OSBPL9: variants seen among roughly 807,000 people sequenced by gnomAD.
OSBPL9 encodes the protein oxysterol binding protein like 9.
A neutral mutation model predicts 106.6 loss-of-function variants in OSBPL9; 40 were observed. The observed-to-expected ratio is 0.38, with a 90% CI of 0.29 to 0.49. The LOEUF (loss-of-function observed/expected upper bound fraction) is 0.49, where lower values mean the gene tolerates loss of function less well. Among genes scored for constraint, OSBPL9 ranks in the 20% least tolerant of loss-of-function variants. The probability of loss-of-function intolerance (pLI) is 0.97; values close to 1 mark genes in which losing one functional copy is unlikely to be tolerated. For missense variants in OSBPL9, 609 were observed against 887.2 expected, an observed-to-expected ratio of 0.69 and a Z score of 3.98; for synonymous variants, 269 against 295.4, an observed-to-expected ratio of 0.91 and a Z score of 0.92.
At chr1:51,561,947 A>G in the OSBPL9 span, 4 of 152,202 alleles carry the variant, frequency 2.6e-5, no homozygotes, top group African/African-American at 9.6e-5. Flanking sequence ...TGGTGGCGTC[A>G]GGCTTATATT....
the OSBPL9 span, among the ~76,000 whole-genome samples, chr1:51,543,840 C>G: frequency 6.6e-6 from 1 of 152,198 alleles, no homozygotes; most frequent in Non-Finnish European, 1.5e-5. Flanking sequence ...CTGTAGACCT[C>G]TTTGGAAGGA....
rs34379031 is a variant in OSBPL9, at chr1:51,592,108, CTTTTTTTTTTTTTTT to C, written c.-422-6006_-422-5992del. Among the ~76,000 whole-genome samples, 25 of 77,000 alleles carry C rather than the reference CTTTTTTTTTTTTTTT, an allele frequency of 3.2e-4. No individual in the cohort carries two copies. The Admixed American group carries it at 3.3e-3, about 10-fold the overall frequency. 50.5% of individuals were successfully genotyped at this position (77,000 alleles called of 152,430 possible). On this transcript the variant is annotated intron_variant, in intron 1 of 25. Coordinates refer to the OSBPL9 transcript ENST00000371714. ...CCTCAACGATTACTTGTTGCTAAGG[CTTTTTTTTTTTTTTT>C]TTTTTTTTTGAGACGGAGTCTCGCT...
intron 18 of OSBPL9, 105 bp from the exon 19 acceptor site, chr1:51,784,159 A>G: frequency 7.1e-7 from 1 of 1,415,534 alleles, no homozygotes. Flanking sequence ...TAGATAGGTT[A>G]TCCCTAAATT....
intron 1 of OSBPL9, chr1:51,577,405 C>T (rs374493763): frequency 6.7e-6 from 1 of 149,278 alleles, no homozygotes; most frequent in East Asian, 2.0e-4. Flanking sequence ...CTGCAACCAA[C>T]GCCTCTGGTT....
chr1:51,764,994 T>G (rs1175608642), intron 11 of OSBPL9, among the ~76,000 whole-genome samples: 1 of 152,226 alleles, frequency 6.6e-6, no homozygotes, highest in African/African-American at 2.4e-5. Flanking sequence ...ATCTGTAGAT[T>G]AGTATAAATT....
At chr1:51,608,042 G>T (rs530080942) in intron 2 of OSBPL9, among the ~76,000 whole-genome samples, 3 of 152,222 alleles carry the variant, frequency 2.0e-5, no homozygotes, top group African/African-American at 7.2e-5. Context: ...TGGGCGGGCC[G>T]CATACACTGT....
intron 3 of OSBPL9, among the ~76,000 whole-genome samples, chr1:51,684,285 A>G (rs1424260366): frequency 1.3e-5 from 2 of 152,168 alleles, no homozygotes; most frequent in Non-Finnish European, 2.9e-5. Flanking sequence ...CTGGGAATAC[A>G]GGTCCGAGCC....
intron 12 of OSBPL9, among the ~76,000 whole-genome samples, chr1:51,770,809 A>AT (rs1359214052): frequency 1.3e-5 from 2 of 152,222 alleles, no homozygotes; most frequent in Non-Finnish European, 2.9e-5. Flanking sequence ...ATATCCTAAT[A>AT]TTCTAGTGTT....
At chr1:51,762,894 A>C (rs1266458050) in intron 11 of OSBPL9, among the ~76,000 whole-genome samples, 2 of 152,210 alleles carry the variant, frequency 1.3e-5, no homozygotes, top group Non-Finnish European at 2.9e-5. Flanking sequence ...CACCTTTGGC[A>C]TATGTATATT....
At chr1:51,681,249 GAA>G (rs1652494189) in intron 3 of OSBPL9, among the ~76,000 whole-genome samples, 1 of 152,132 alleles carries the variant, frequency 6.6e-6, no homozygotes, top group African/African-American at 2.4e-5. Context: ...AAAATGCATG[GAA>G]GTAGGCTGTG....
intron 3 of OSBPL9, among the ~76,000 whole-genome samples, chr1:51,711,679 T>G (rs1275510780): frequency 1.8e-5 from 2 of 111,938 alleles, no homozygotes; most frequent in Non-Finnish European, 1.9e-5. Flanking sequence ...AGGCAGAGGG[T>G]CTCCTCACTT....
intron 2 of OSBPL9, among the ~76,000 whole-genome samples, chr1:51,605,405 A>G (rs1033050779): frequency 6.6e-6 from 1 of 152,190 alleles, no homozygotes; most frequent in Non-Finnish European, 1.5e-5. Flanking sequence ...AGCCTGGGCA[A>G]CATAGTGAGA....
At chr1:51,683,386 G>T (rs1040010918) in intron 3 of OSBPL9, among the ~76,000 whole-genome samples, 1 of 150,690 alleles carries the variant, frequency 6.6e-6, no homozygotes, top group Non-Finnish European at 1.5e-5. Flanking sequence ...CTCCTTGTTG[G>T]TCAGGCTGGT....
intron 2 of OSBPL9, among the ~76,000 whole-genome samples, chr1:51,663,197 A>G (rs1400071717): frequency 6.6e-6 from 1 of 152,198 alleles, no homozygotes. Flanking sequence ...ATGATAAAAC[A>G]TTATTGAAAT....
chr1:51,774,809 C>T (rs1674681727), intron 14 of OSBPL9, among the ~76,000 whole-genome samples: 1 of 152,118 alleles, frequency 6.6e-6, no homozygotes, highest in Non-Finnish European at 1.5e-5. Context: ...TATAGCACTA[C>T]AAACATTGAA....
the OSBPL9 span, chr1:51,519,266 C>T: frequency 1.0e-6 from 1 of 984,092 alleles, no homozygotes; most frequent in Non-Finnish European, 1.2e-6. Flanking sequence ...GGAAGGAAGA[C>T]GGGCTGACTG....
At chr1:51,564,052 C>CAAAAAAAAAAAAAA in the OSBPL9 span, among the ~76,000 whole-genome samples, 266 of 27,342 alleles carry the variant, frequency 9.7e-3, 56 homozygotes, top group East Asian at 0.026. Flanking sequence ...GAGATCATCT[C>CAAAAAAAAAAAAAA]AAAAAAAAAA....
intron 2 of OSBPL9, among the ~76,000 whole-genome samples, chr1:51,668,570 C>T (rs899340656): frequency 2.0e-5 from 3 of 152,114 alleles, no homozygotes; most frequent in East Asian, 3.9e-4. Flanking sequence ...TGCAGTGAGC[C>T]GAGATCGTGC....
intron 3 of OSBPL9, among the ~76,000 whole-genome samples, chr1:51,683,683 CTCAGGAGG>C (rs1468458152): frequency 6.6e-6 from 1 of 151,930 alleles, no homozygotes; most frequent in African/African-American, 2.4e-5. Flanking sequence ...ATCGCAGCTA[CTCAGGAGG>C]CTGAGGCAGG....
Sources: allele counts gnomAD v4.1 joint callset (sites outside exome capture counted in the v4.1 genomes callset), GRCh38; gene constraint gnomAD v4.1.1; transcripts MANE v1.5; gene names NCBI Gene and HGNC (gene_info 2026-07-23, HGNC 2026-07-21).